FBXO25: variants seen among roughly 807,000 people sequenced by gnomAD.
FBXO25 encodes F-box only protein 25.
Under a neutral mutation model 51.9 loss-of-function variants are expected in FBXO25, and 45 were observed. The observed-to-expected ratio is 0.87, with a 90% CI of 0.68 to 1.11. FBXO25 has a LOEUF of 1.11. Among genes scored for constraint, FBXO25 ranks in the 50% most tolerant of loss-of-function variants. FBXO25 has a pLI of 0.00. For synonymous variants in FBXO25, 199 were observed against 151.0 expected (o/e 1.32, Z -2.33); for missense variants, 507 against 428.5 (o/e 1.18, Z -1.62).
chr8:467,294 A>C (rs1800231952), intron 9 of FBXO25, among the ~76,000 whole-genome samples: 1 of 152,222 alleles, frequency 6.6e-6, no homozygotes, highest in African/African-American at 2.4e-5. Context: ...ATTACTGAGC[A>C]CAGAGCAGAG....
intron 2 of FBXO25, 39 bp downstream of exon 2, chr8:413,252 T>G: frequency 6.6e-7 from 1 of 1,517,782 alleles, no homozygotes; most frequent in Non-Finnish European, 8.8e-7. Flanking sequence ...ATTTGCCAGT[T>G]TAGCATGTAT....
intron 5 of FBXO25, among the ~76,000 whole-genome samples, chr8:435,925 G>C (rs1337111442): frequency 6.6e-6 from 1 of 152,212 alleles, no homozygotes; most frequent in Non-Finnish European, 1.5e-5. Context: ...GCCTCAGTGG[G>C]AGCAAACACT....
At position 468,933 on chromosome 8, in the gene FBXO25, G is replaced by A. The variant is rs1046199453; in HGVS notation, c.*129G>A. ...GCTTCCAGAAAGCCTGGGAAGAACT[G>A]CCCTTCTGCAAAGGGGGGACTGCAT... On this transcript the variant is annotated 3_prime_UTR_variant, in exon 10 of 10. Coordinates refer to ENST00000350302, the MANE Select transcript of FBXO25 (RefSeq NM_183420.2). 1 of 804,110 alleles carries A rather than the reference G, an allele frequency of 1.2e-6. No homozygotes were observed. Among genetic ancestry groups the A allele is most frequent in the Non-Finnish European group, 1.9e-6 (1 of 521,596 alleles). 49.8% of individuals were successfully genotyped at this position (804,110 alleles called of 1,614,324 possible).
At chr8:465,628 A>AT (rs1173715232) in intron 9 of FBXO25, among the ~76,000 whole-genome samples, 1 of 152,072 alleles carries the variant, frequency 6.6e-6, no homozygotes, top group Non-Finnish European at 1.5e-5. Flanking sequence ...CAGATTTCAG[A>AT]TTTTTTTCAT....
intron 1 of FBXO25, among the ~76,000 whole-genome samples, chr8:411,634 C>T (rs145945239): frequency 0.059 from 8,966 of 152,112 alleles, 286 homozygotes; most frequent in Middle Eastern, 0.082. Context: ...TAATGGAATA[C>T]GGACCTGAAC....
intron 7 of FBXO25, among the ~76,000 whole-genome samples, chr8:454,231 AT>A (rs896792433): frequency 1.4e-4 from 22 of 152,094 alleles, no homozygotes; most frequent in Admixed American, 2.6e-4. Flanking sequence ...AACATCAGAA[AT>A]TTTTTTTCTT....
intron 5 of FBXO25, among the ~76,000 whole-genome samples, chr8:442,020 C>T (rs923300163): frequency 6.6e-6 from 1 of 152,056 alleles, no homozygotes; most frequent in Non-Finnish European, 1.5e-5. Flanking sequence ...AAATAATGAC[C>T]TGGCAAATTA....
chr8:431,499 A>G (rs1399111015), intron 3 of FBXO25, 55 bp downstream of exon 3: 96 of 893,728 alleles, frequency 1.1e-4, no homozygotes, highest in Non-Finnish European at 1.5e-4. Context: ...GAAATACTAA[A>G]TTACTCTGAC....
intron 5 of FBXO25, among the ~76,000 whole-genome samples, chr8:442,573 G>A (rs1798493060): frequency 6.6e-6 from 1 of 152,044 alleles, no homozygotes; most frequent in Non-Finnish European, 1.5e-5. Flanking sequence ...GGGTTCAAGC[G>A]ATTCTCCTGC....
intron 2 of FBXO25, among the ~76,000 whole-genome samples, chr8:421,596 G>A (rs192412936): frequency 1.7e-3 from 264 of 152,268 alleles, no homozygotes; most frequent in Non-Finnish European, 3.3e-3. Context: ...ATGAACTAGG[G>A]CTGTTGGTTT....
intron 1 of FBXO25, chr8:407,372 C>G (rs376252170): frequency 1.2e-5 from 12 of 976,456 alleles, no homozygotes; most frequent in East Asian, 1.2e-4. Context: ...AGTCTGGGTC[C>G]GCGGGCGCGT....
chr8:454,557 A>G (rs1799295837), intron 7 of FBXO25, among the ~76,000 whole-genome samples: 1 of 152,216 alleles, frequency 6.6e-6, no homozygotes, highest in African/African-American at 2.4e-5. Flanking sequence ...AGGGCTGTTG[A>G]CATTACATTG....
chr8:438,409 G>A (rs1176570939), intron 5 of FBXO25, among the ~76,000 whole-genome samples: 1 of 152,164 alleles, frequency 6.6e-6, no homozygotes, highest in Non-Finnish European at 1.5e-5. Context: ...CATCTAAACA[G>A]CAATTTTAAA....
intron 2 of FBXO25, among the ~76,000 whole-genome samples, chr8:426,956 A>G (rs1367758126): frequency 6.6e-6 from 1 of 151,984 alleles, no homozygotes; most frequent in Non-Finnish European, 1.5e-5. Context: ...TTTTTAACTT[A>G]TATAAAATTG....
chr8:409,505 A>G (rs1796366837), intron 1 of FBXO25, among the ~76,000 whole-genome samples: 2 of 152,300 alleles, frequency 1.3e-5, no homozygotes, highest in Non-Finnish European at 2.9e-5. Context: ...AGGTAGTTGT[A>G]AAAGAATTGG....
rs146918943 is a variant in FBXO25, at chr8:468,742, G to A, written c.1015G>A (p.Asp339Asn). 2.5e-5 allele frequency: 40 copies of A among 1,613,830 alleles called. No individual in the cohort carries two copies. The highest frequency in any genetic ancestry group is 4.0e-5 in the African/African-American group (3 of 74,882). Residue 339 changes from aspartate (D) to asparagine (N), a missense_variant, in exon 10 of 10, where the codon GAC (aspartate) becomes AAC (asparagine). Physicochemically the swap from Asp to Asn is conservative, Grantham distance 23. Transcript: ENST00000350302. ...KDSGHPCTAA[D>N]PDSCFTPVSP... ...CTCAGGACACCCCTGCACGGCGGCCGACCCTGACAGCTGCTTCACGCCTGT... is the reference window on the plus strand; with the variant it reads ...CTCAGGACACCCCTGCACGGCGGCCAACCCTGACAGCTGCTTCACGCCTGT...
At chr8:467,586 TTA>T (rs1441752737) in intron 9 of FBXO25, 2 of 897,168 alleles carry the variant, frequency 2.2e-6, no homozygotes, top group Non-Finnish European at 3.5e-6. Flanking sequence ...CCTGATGTTT[TTA>T]GTTATTTTCG....
Position 468,826 on chromosome 8 carries a change from T to G in FBXO25, c.*22T>G. ...TTAAGGGCTGCCCCTGCCATCCCTA[T>G]TGGAGATTGTGAATCCTGCTGTCTG... is the stretch of plus-strand genomic sequence containing the variant. On this transcript the variant is annotated 3_prime_UTR_variant, in exon 10 of 10. Transcript: ENST00000350302. 1.2e-6 allele frequency: 2 copies of G among 1,609,842 alleles called. No individual in the cohort carries two copies. Among genetic ancestry groups the G allele is most frequent in the Non-Finnish European group, 1.7e-6 (2 of 1,177,052 alleles).
At chr8:422,665 TAA>T (rs1033612515) in intron 2 of FBXO25, among the ~76,000 whole-genome samples, 5 of 152,192 alleles carry the variant, frequency 3.3e-5, no homozygotes, top group African/African-American at 1.2e-4. Context: ...AAATCACCTT[TAA>T]AAGTCTTTTT....
Sources: allele counts gnomAD v4.1 joint callset (sites outside exome capture counted in the v4.1 genomes callset), GRCh38; gene constraint gnomAD v4.1.1; transcripts MANE v1.5; gene names NCBI Gene and HGNC (gene_info 2026-07-23, HGNC 2026-07-21).